The following TTN variants were observed in gnomAD, a reference collection of about 807,000 sequenced individuals.
The protein encoded by TTN is connectin.
A neutral mutation model predicts 3,223.0 loss-of-function variants in TTN; 1,525 were observed. That is an observed-to-expected ratio of 0.47 (90% confidence interval 0.45 to 0.49). The LOEUF is 0.49. Among genes scored for constraint, TTN ranks in the 20% least tolerant of loss-of-function variants. The probability of loss-of-function intolerance (pLI) is 0.00; values close to 1 mark genes in which losing one functional copy is unlikely to be tolerated. For synonymous variants in TTN, 14,094 were observed against 15,161.0 expected, an observed-to-expected ratio of 0.93 and a Z score of 5.17; for missense variants, 40,786 against 43,424.0, an observed-to-expected ratio of 0.94 and a Z score of 5.40.
At chr2:178,750,395 G>C (rs763154936) in intron 47 of TTN, 2 of 1,612,758 alleles carry the variant, frequency 1.2e-6, no homozygotes, top group Non-Finnish European at 1.7e-6. Flanking sequence ...AGATGAAAGA[G>C]TTAATATTGA....
chr2:178,761,552 G>A (rs573762965), intron 43 of TTN, among the ~76,000 whole-genome samples: 1 of 152,282 alleles, frequency 6.6e-6, no homozygotes, highest in South Asian at 2.1e-4. Context: ...GGATGCCACT[G>A]TGTTCAATGA....
Position 178,539,533 on chromosome 2 carries a change from A to G in TTN, c.98532T>C (p.Tyr32844=), listed in dbSNP as rs1435802250. ...TACCTCGGACTCTGGAATCAATGGT[A>G]TACCAGGCGGCTTTAGGCACTTCTC... ...ERREVPKAAW[Y]TIDSRVRGTS... Residue 32844 remains tyrosine (Y), a synonymous_variant, in exon 352 of 363, where the codon TAT becomes TAC. Coordinates refer to ENST00000589042, the MANE Select transcript of TTN (RefSeq NM_001267550.2). The G allele has an allele frequency of 2.5e-6, 4 of 1,613,672 alleles. No homozygotes were observed. The highest frequency in any genetic ancestry group is 3.4e-6 in the Non-Finnish European group (4 of 1,179,778).
chr2:178,688,803 G>A, intron 125 of TTN, 25 bp from the exon 126 acceptor site: 4 of 1,548,036 alleles, frequency 2.6e-6, no homozygotes, highest in Non-Finnish European at 3.6e-6. Flanking sequence ...TAAAGTTGAA[G>A]TTTAAAATCA....
intron 165 of TTN, 27 bp downstream of exon 165, chr2:178,665,350 T>C: frequency 6.3e-7 from 1 of 1,593,710 alleles, no homozygotes; most frequent in East Asian, 2.2e-5. Context: ...TAATTTCTTC[T>C]TCCACATTTG....
rs1048498149 is a variant in TTN at position 178,562,431 on chromosome 2, C to G, written c.83701G>C (p.Glu27901Gln). The G allele has an allele frequency of 6.2e-7, 1 of 1,613,250 alleles. No homozygotes were observed. The highest frequency in any genetic ancestry group is 1.3e-5 in the African/African-American group (1 of 75,016). Residue 27901 changes from glutamate to glutamine, a missense_variant, in exon 326 of 363, where the codon GAA (glutamate) becomes CAA (glutamine). Glu to Gln is a conservative substitution (Grantham distance 29, BLOSUM62 2). Coordinates refer to ENST00000589042, the MANE Select transcript of TTN (RefSeq NM_001267550.2). ...TTTTCACTCCCTTTAGTCTGCATTTCAACCACATAACCAGTAATTTTGCTG... is the reference window on the plus strand; with the variant it reads ...TTTTCACTCCCTTTAGTCTGCATTTGAACCACATAACCAGTAATTTTGCTG... The part of the protein sequence containing the change: ...GGSKITGYVV[E>Q]MQTKGSEKWS...
intron 71 of TTN, chr2:178,725,152 A>G: frequency 2.3e-6 from 1 of 438,496 alleles, no homozygotes; most frequent in Non-Finnish European, 3.9e-6. Context: ...ATAGACAGGT[A>G]GTTATTAAAC....
intron 92 of TTN, 102 bp downstream of exon 92, chr2:178,713,795 C>T: frequency 1.4e-6 from 2 of 1,407,916 alleles, no homozygotes; most frequent in South Asian, 1.5e-5. Context: ...AGATGTCGGA[C>T]TCATGTTATC....
chr2:178,542,383 G>T lies in TTN; in HGVS notation c.97373C>A (p.Thr32458Lys). 1.2e-6 allele frequency: 2 copies of T among 1,613,590 alleles called. No individual in the cohort carries two copies. Among genetic ancestry groups the T allele is most frequent in the African/African-American group, 1.3e-5 (1 of 74,990 alleles). Residue 32458 changes from threonine (T) to lysine (K), a missense_variant, in exon 349 of 363, where the codon ACG becomes AAG. Thr to Lys is a moderately conservative substitution (Grantham distance 78). Coordinates refer to ENST00000589042, the MANE Select transcript of TTN (RefSeq NM_001267550.2). Reference sequence around the variant, plus strand: ...TTCGGTGAGTCTGGTAAACTTAAACGTGGACCTAGTCACTGATTCAGAAAC... The same window carrying T: ...TTCGGTGAGTCTGGTAAACTTAAACTTGGACCTAGTCACTGATTCAGAAAC... ...LPVSESVTRS[T>K]FKFTRLTEGN... is the part of the protein sequence containing the mutation.
In TTN at chr2:178,563,524, T is replaced by C; in HGVS notation, c.82608A>G (p.Glu27536=). ...CAACTCTGAATTCATAGGAATGGCC[T>C]TCGGTAAGACCAGTTACCCTGAGCC... ...DLRLRVTGLT[E]GHSYEFRVAA... Residue 27536 remains glutamate (E), a synonymous_variant, in exon 326 of 363, where the codon GAA becomes GAG. Transcript: ENST00000589042. The surrounding 1 kb of genome is among the most constrained non-coding windows in gnomAD (Gnocchi z 4.5). 6.2e-7 allele frequency: 1 copy of C among 1,613,812 alleles called. No homozygotes were observed. The highest frequency in any genetic ancestry group is 8.5e-7 in the Non-Finnish European group (1 of 1,179,772).
At chr2:178,633,165 T>C in intron 233 of TTN, 22 bp downstream of exon 233, 1 of 1,608,160 alleles carries the variant, frequency 6.2e-7, no homozygotes, top group Non-Finnish European at 8.5e-7. Flanking sequence ...CTCTCCTATA[T>C]AATTAGCTAA....
At position 178,553,358 on chromosome 2, in the gene TTN, A is replaced by T; in HGVS notation, c.89542T>A (p.Ser29848Thr). ...TCTTCACCAGCTTTGGCAATAACAG[A>T]AGTTCTGAGAGCCACATCCAGGTCA... The part of the protein sequence containing the change: ...EIDLDVALRT[S>T]VIAKAGEDVQ... Residue 29848 changes from serine (S) to threonine (T), a missense_variant, in exon 335 of 363, where the codon TCT (serine) becomes ACT (threonine). Physicochemically the swap from Ser to Thr is moderately conservative, Grantham distance 58. Coordinates refer to ENST00000589042, the MANE Select transcript of TTN (RefSeq NM_001267550.2). The T allele has an allele frequency of 1.3e-6, 2 of 1,599,958 alleles. No homozygotes were observed. The highest frequency in any genetic ancestry group is 1.7e-6 in the Non-Finnish European group (2 of 1,174,834).
intron 204 of TTN, 27 bp from the exon 205 acceptor site, chr2:178,651,994 G>A (rs2063074053): frequency 3.7e-6 from 6 of 1,610,828 alleles, no homozygotes; most frequent in Non-Finnish European, 5.1e-6. Flanking sequence ...TCATTTTAAT[G>A]CCAGAATTGA....
chr2:178,736,806 C>T (rs1010447195), intron 49 of TTN, among the ~76,000 whole-genome samples: 2 of 152,136 alleles, frequency 1.3e-5, no homozygotes, highest in African/African-American at 4.8e-5. Context: ...TTTATGGAGA[C>T]ATTTTGACCA....
Position 178,618,330 on chromosome 2 carries a change from G to C in TTN, c.47128C>G (p.Arg15710Gly). 1.9e-6 allele frequency: 3 copies of C among 1,612,536 alleles called. No homozygotes were observed. Among genetic ancestry groups the C allele is most frequent in the Non-Finnish European group, 2.5e-6 (3 of 1,179,104 alleles). Residue 15710 changes from arginine (R) to glycine (G), a missense_variant, in exon 252 of 363, where the codon CGT becomes GGT. By Grantham distance (125) the Arg-to-Gly change is moderately radical (BLOSUM62 -2). Coordinates refer to ENST00000589042, the MANE Select transcript of TTN (RefSeq NM_001267550.2). ...KRKTWVLATD[R>G]AESCEFTVTG... ...ACAGTAAACTCACAACTCTCTGCACGGTCTGTGGCCAGAACCCAGGTCTTT... is the reference window on the plus strand; with the variant it reads ...ACAGTAAACTCACAACTCTCTGCACCGTCTGTGGCCAGAACCCAGGTCTTT...
chr2:178,588,402 G>C, intron 304 of TTN, 136 bp downstream of exon 304: 1 of 1,219,674 alleles, frequency 8.2e-7, no homozygotes, highest in Non-Finnish European at 1.1e-6. Flanking sequence ...TTTGGTAAAA[G>C]GTCTATTTGG....
rs751194376 is a variant in TTN, at chr2:178,590,652, G to A, written c.61073C>T (p.Pro20358Leu). The A allele has an allele frequency of 5.6e-6, 9 of 1,613,048 alleles. No individual in the cohort carries two copies. Among genetic ancestry groups the A allele is most frequent in the Middle Eastern group, 3.3e-4 (2 of 6,072 alleles). The stretch of plus-strand genomic sequence containing the variant: ...GCAAGCTTTTATTGGATCAGAACTT[G>A]GGGATGGTTTGCTTAGTCCTGCAAG... The part of the protein sequence containing the change: ...ENLAGLSKPS[P>L]SSDPIKACRP... Residue 20358 changes from proline (P) to leucine (L), a missense_variant, in exon 304 of 363, where the codon CCA becomes CTA. By Grantham distance (98) the Pro-to-Leu change is moderately conservative (BLOSUM62 -3). Coordinates refer to ENST00000589042, the MANE Select transcript of TTN (RefSeq NM_001267550.2).
rs762964203 is a variant in TTN, at chr2:178,563,291, G to A, written c.82841C>T (p.Ala27614Val). 8 of 1,613,460 alleles carry A rather than the reference G, an allele frequency of 5.0e-6. No homozygotes were observed. The highest frequency in any genetic ancestry group is 1.3e-5 in the African/African-American group (1 of 74,878). ...GYVVEVKEAA[A>V]DEWTTCTPPT... The stretch of plus-strand genomic sequence containing the variant: ...TGGAGTGCAGGTTGTCCATTCATCC[G>A]CAGCAGCTTCTTTGACCTCTACAAC... The change falls in exon 326 of 363, where the codon GCG becomes GTG. Residue 27614 changes from alanine (A) to valine (V), a missense_variant. Physicochemically the swap from Ala to Val is moderately conservative, Grantham distance 64. Transcript: ENST00000589042. The surrounding 1 kb of genome is among the most constrained non-coding windows in gnomAD (Gnocchi z 4.5).
At chr2:178,807,010 T>C (rs754752159) in intron 1 of TTN, among the ~76,000 whole-genome samples, 5 of 152,204 alleles carry the variant, frequency 3.3e-5, no homozygotes, top group Non-Finnish European at 5.9e-5. Flanking sequence ...GCTGATATAA[T>C]AAAGCTTTCA....
chr2:178,594,761 C>A, intron 295 of TTN, 115 bp from the exon 296 acceptor site: 1 of 816,080 alleles, frequency 1.2e-6, no homozygotes, highest in Non-Finnish European at 1.9e-6. Context: ...ACTCTCTGCT[C>A]CCATAAATAG....
Sources: gnomAD v4.1 joint callset for allele counts (sites outside exome capture counted in the v4.1 genomes callset) on GRCh38, gnomAD v4.1.1 for gene constraint, Gnocchi (gnomAD v3.1) non-coding constraint, MANE v1.5 for transcripts, NCBI Gene and HGNC (gene_info 2026-07-23, HGNC 2026-07-21) for gene names.